MMP28: variants seen among roughly 807,000 people sequenced by gnomAD.
The protein encoded by MMP28 is matrix metallopeptidase 28.
In MMP28, 55 loss-of-function variants were observed where a neutral mutation model predicts 60.5. The ratio of observed to expected loss-of-function variants is 0.91; its 90% CI spans 0.73 to 1.14. The LOEUF is 1.14. Among genes scored for constraint, MMP28 ranks in the 50% most tolerant of loss-of-function variants. The pLI, the probability that MMP28 is intolerant of heterozygous loss-of-function variation, is 0.00. For missense variants in MMP28, 686 were observed against 738.3 expected, an observed-to-expected ratio of 0.93 and a Z score of 0.82; for synonymous variants, 318 against 312.5, an observed-to-expected ratio of 1.02 and a Z score of -0.18.
chr17:35,791,981 C>T (rs1376013574), intron 1 of MMP28, among the ~76,000 whole-genome samples: 1 of 152,090 alleles, frequency 6.6e-6, no homozygotes, highest in Non-Finnish European at 1.5e-5. Context: ...AGCTTTGTCA[C>T]TCAGCACAGC....
chr17:35,794,667 C>T (rs1171309749), intron 1 of MMP28, among the ~76,000 whole-genome samples: 1 of 152,164 alleles, frequency 6.6e-6, no homozygotes, highest in Non-Finnish European at 1.5e-5. Context: ...GGAAAGGGAG[C>T]TCTCTAAGGT....
intron 2 of MMP28, among the ~76,000 whole-genome samples, chr17:35,756,845 G>C (rs782111681): frequency 6.6e-6 from 1 of 152,186 alleles, no homozygotes; most frequent in South Asian, 2.1e-4. Flanking sequence ...AAGTCATAGG[G>C]CCTGTCTGAG....
intron 1 of MMP28, among the ~76,000 whole-genome samples, chr17:35,784,900 G>A (rs1252185161): frequency 5.9e-5 from 9 of 152,090 alleles, no homozygotes; most frequent in Middle Eastern, 3.2e-3. Context: ...TTTTCCACCC[G>A]TCCTCTCTCT....
At chr17:35,761,425 T>C (rs1464429688), downstream of MMP28, among the ~76,000 whole-genome samples, 2 of 151,256 alleles carry the variant, frequency 1.3e-5, no homozygotes, top group African/African-American at 4.9e-5. Flanking sequence ...TTTTGTTTTT[T>C]TTTTTTTAGA....
At chr17:35,767,659 G>C in intron 7 of MMP28, 93 bp downstream of exon 7, 1 of 1,428,560 alleles carries the variant, frequency 7.0e-7, no homozygotes, top group Admixed American at 2.2e-5. Context: ...GGACTCGTGT[G>C]AGAGTCTTCC....
At chr17:35,765,519 G>A (rs540053358), downstream of MMP28, among the ~76,000 whole-genome samples, 30 of 152,332 alleles carry the variant, frequency 2.0e-4, no homozygotes, top group Non-Finnish European at 3.1e-4. Flanking sequence ...GGAATGCCTC[G>A]TGTGTGGCCT....
intron 4 of MMP28, 39 bp downstream of exon 4, chr17:35,773,141 C>T: frequency 6.3e-7 from 1 of 1,580,998 alleles, no homozygotes; most frequent in East Asian, 2.3e-5. Context: ...AAGTTGGGTT[C>T]CCCTCCTGCT....
chr17:35,789,837 C>T (rs570742427), intron 1 of MMP28, among the ~76,000 whole-genome samples: 4 of 151,516 alleles, frequency 2.6e-5, no homozygotes, highest in South Asian at 2.1e-4. Flanking sequence ...TCTCGGCTCA[C>T]TGCAACCTCC....
In MMP28 at chr17:35,786,699, C is replaced by CAAAAAAAAA. The variant is rs200165337; in HGVS notation, c.112-7385_112-7377dup. 5.6e-3 allele frequency among the ~76,000 whole-genome samples: 399 copies of CAAAAAAAAA among 71,004 alleles called. 38 individuals are homozygous for CAAAAAAAAA. The highest frequency in any genetic ancestry group is 0.023 in the African/African-American group (356 of 15,718). 46.6% of individuals were successfully genotyped at this position (71,004 alleles called of 152,430 possible). A position where few individuals can be genotyped will look rare whatever the true frequency, so the allele number is the denominator to read the frequency against. On this transcript the variant is annotated intron_variant, in intron 1 of 7. Coordinates refer to ENST00000605424, the MANE Select transcript of MMP28 (RefSeq NM_024302.5). ...GCCTCATAGTGAGATCCTGTCTCTA[C>CAAAAAAAAA]AAAAAAAAAAAAAAAAGATGAATGA... is the stretch of plus-strand genomic sequence containing the variant.
intron 1 of MMP28, among the ~76,000 whole-genome samples, chr17:35,784,972 C>T (rs751103951): frequency 2.6e-5 from 4 of 152,180 alleles, no homozygotes; most frequent in Non-Finnish European, 4.4e-5. Context: ...CCTTAGGTGA[C>T]TCACCCTACT....
At chr17:35,760,563 G>C (rs1209558571) in intron 2 of MMP28, among the ~76,000 whole-genome samples, 1 of 152,188 alleles carries the variant, frequency 6.6e-6, no homozygotes, top group African/African-American at 2.4e-5. Flanking sequence ...GGTAAAGCGT[G>C]GTACTGTATT....
In MMP28 at chr17:35,766,957, C is replaced by T. The variant is rs1028943715; in HGVS notation, c.1169-63G>A. On this transcript the variant is annotated intron_variant, in intron 7 of 7. Coordinates refer to ENST00000605424, the MANE Select transcript of MMP28 (RefSeq NM_024302.5). This position sits in a 1 kb window ranked among gnomAD's most constrained non-coding sequence, Gnocchi z 4.3. ...TGTCACCCATTGGCCCTCTACCCCACTTCTGTCCCCCATACCTCTGCTCTC... is the reference window on the plus strand; with the variant it reads ...TGTCACCCATTGGCCCTCTACCCCATTTCTGTCCCCCATACCTCTGCTCTC... 18 of 1,449,128 alleles carry T rather than the reference C, an allele frequency of 1.2e-5. 1 individual carries two copies. Among genetic ancestry groups the T allele is most frequent in the East Asian group, 4.9e-5 (2 of 40,486 alleles). 89.8% of individuals were successfully genotyped at this position (1,449,128 alleles called of 1,614,324 possible).
At chr17:35,760,686 G>A (rs1449816545) in intron 2 of MMP28, among the ~76,000 whole-genome samples, 5 of 152,130 alleles carry the variant, frequency 3.3e-5, no homozygotes, top group African/African-American at 1.2e-4. Context: ...AGTTTATTGC[G>A]GGCCAAAGCC....
downstream of MMP28, chr17:35,765,733 C>G (rs1598412511): frequency 1.8e-6 from 1 of 557,010 alleles, no homozygotes; most frequent in African/African-American, 2.0e-5. Flanking sequence ...TTCTCTCCAT[C>G]ACAGCTCTGC....
At chr17:35,783,417 C>T (rs1449310350) in intron 1 of MMP28, among the ~76,000 whole-genome samples, 1 of 152,240 alleles carries the variant, frequency 6.6e-6, no homozygotes, top group African/African-American at 2.4e-5. Flanking sequence ...GTGCTTCTGT[C>T]TCAGACTTGC....
chr17:35,770,177 C>T lies in MMP28; in HGVS notation c.740G>A (p.Gly247Asp), dbSNP rs750115316. The T allele has an allele frequency of 6.2e-6, 10 of 1,606,372 alleles. No individual in the cohort carries two copies. The highest frequency in any genetic ancestry group is 8.5e-6 in the Non-Finnish European group (10 of 1,178,388). Residue 247 changes from glycine (G) to aspartate (D), a missense_variant, in exon 5 of 8, where the codon GGC (glycine) becomes GAC (aspartate). Gly to Asp is a moderately conservative substitution (Grantham distance 94). Transcript: ENST00000605424. The stretch of plus-strand genomic sequence containing the variant: ...GCGCGGCGCGGGCGAGTGGGTGAGG[C>T]CAAGCGTGTGACCGATCTCGTGCGC... ...VLAHEIGHTLGLTHSPAPRAL... is the reference protein window; with the variant it reads ...VLAHEIGHTLDLTHSPAPRAL...
At chr17:35,787,899 C>CA in intron 1 of MMP28, among the ~76,000 whole-genome samples, 1 of 104,422 alleles carries the variant, frequency 9.6e-6, no homozygotes, top group Admixed American at 1.1e-4. Flanking sequence ...TTTTCTTTCC[C>CA]TTTTTTTTTT....
chr17:35,788,473 C>T (rs2086719075), intron 1 of MMP28, among the ~76,000 whole-genome samples: 2 of 152,112 alleles, frequency 1.3e-5, no homozygotes, highest in African/African-American at 2.4e-5. Flanking sequence ...TAGACAAGTG[C>T]TTTTCCACCA....
At chr17:35,774,067 C>T (rs577396289) in intron 3 of MMP28, among the ~76,000 whole-genome samples, 1 of 152,326 alleles carries the variant, frequency 6.6e-6, no homozygotes, top group African/African-American at 2.4e-5. Context: ...CAAATAAGAA[C>T]AAAGCGTGTG....
Sources: gnomAD v4.1 joint callset for allele counts (sites outside exome capture counted in the v4.1 genomes callset) on GRCh38, gnomAD v4.1.1 for gene constraint, Gnocchi (gnomAD v3.1) non-coding constraint, MANE v1.5 for transcripts, NCBI Gene and HGNC (gene_info 2026-07-23, HGNC 2026-07-21) for gene names.